BMPR1A: variants seen among roughly 807,000 people sequenced by gnomAD.
BMPR1A encodes the protein bone morphogenetic protein receptor type-1A.
BMPR1A carries 7 observed loss-of-function variants against 66.0 expected under a neutral mutation model. The observed-to-expected ratio is 0.11, with a 90% CI of 0.06 to 0.20. BMPR1A has a LOEUF of 0.20. Ranked by LOEUF, BMPR1A falls within the 10% of genes least tolerant of loss-of-function variation. The pLI is 1.00. For synonymous variants in BMPR1A, 200 were observed against 229.7 expected, an observed-to-expected ratio of 0.87 and a Z score of 1.17; for missense variants, 408 against 669.1, an observed-to-expected ratio of 0.61 and a Z score of 4.31.
At chr10:86,813,637 G>A (rs1257785282) in intron 1 of BMPR1A, among the ~76,000 whole-genome samples, 1 of 152,104 alleles carries the variant, frequency 6.6e-6, no homozygotes, top group Non-Finnish European at 1.5e-5. Context: ...TTCTTTGCAT[G>A]CGCTCTCCAT....
chr10:86,763,280 A>G (rs1841101677), intron 1 of BMPR1A, among the ~76,000 whole-genome samples: 1 of 152,212 alleles, frequency 6.6e-6, no homozygotes. Flanking sequence ...TGGGAAGTAT[A>G]AAAAGCCATA....
At chr10:86,761,634 T>C (rs761215939) in intron 1 of BMPR1A, among the ~76,000 whole-genome samples, 1 of 152,190 alleles carries the variant, frequency 6.6e-6, no homozygotes, top group Non-Finnish European at 1.5e-5. Flanking sequence ...TATATCCTGC[T>C]CAAGGTCATC....
At chr10:86,818,076 T>C (rs900588864) in intron 1 of BMPR1A, among the ~76,000 whole-genome samples, 1 of 152,206 alleles carries the variant, frequency 6.6e-6, no homozygotes, top group Non-Finnish European at 1.5e-5. Flanking sequence ...TGGAGTGTAA[T>C]GGCATGATCT....
chr10:86,763,433 A>G (rs1841105998), intron 1 of BMPR1A, among the ~76,000 whole-genome samples: 1 of 152,194 alleles, frequency 6.6e-6, no homozygotes, highest in African/African-American at 2.4e-5. Flanking sequence ...TAAAAAATAG[A>G]AGGAACATGG....
At chr10:86,932,292 G>GA (rs1414755109), downstream of BMPR1A, 1 of 152,196 alleles carries the variant, frequency 6.6e-6, no homozygotes, top group Non-Finnish European at 1.5e-5. Context: ...TCAGAACCAG[G>GA]AAAGTTCACA....
intron 1 of BMPR1A, among the ~76,000 whole-genome samples, chr10:86,784,622 T>C (rs1222332157): frequency 1.3e-5 from 2 of 152,204 alleles, no homozygotes; most frequent in Non-Finnish European, 2.9e-5. Flanking sequence ...CCAGTGAAGC[T>C]ATCTGGTCCT....
chr10:86,926,034 A>T lies in BMPR1A; in HGVS notation c.*2315A>T, dbSNP rs1843736860. Reference sequence around the variant, plus strand: ...AAAAATATAAAGACAGGCAAAGTTTATTGGAAATGTTCAAATGGTGTGTGG... The same window carrying T: ...AAAAATATAAAGACAGGCAAAGTTTTTTGGAAATGTTCAAATGGTGTGTGG... On this transcript the variant is annotated 3_prime_UTR_variant, in exon 13 of 13. Transcript: ENST00000372037. 5.8e-6 allele frequency: 1 copy of T among 172,636 alleles called. No individual in the cohort carries two copies. The highest frequency in any genetic ancestry group is 2.0e-4 in the South Asian group (1 of 5,000). 10.7% of individuals were successfully genotyped at this position (172,636 alleles called of 1,614,324 possible).
At chr10:86,837,261 G>T (rs12780418) in intron 1 of BMPR1A, among the ~76,000 whole-genome samples, 1 of 151,244 alleles carries the variant, frequency 6.6e-6, no homozygotes, top group African/African-American at 2.4e-5. Flanking sequence ...GTGTGTGTGT[G>T]TGTGTGTGTG....
intron 7 of BMPR1A, among the ~76,000 whole-genome samples, chr10:86,900,839 T>A (rs565957872): frequency 1.6e-4 from 24 of 152,194 alleles, no homozygotes; most frequent in Admixed American, 9.2e-4. Flanking sequence ...TTATTCAGAG[T>A]AGGAGATGGG....
intron 1 of BMPR1A, among the ~76,000 whole-genome samples, chr10:86,803,194 T>C (rs896908550): frequency 6.6e-6 from 1 of 152,128 alleles, no homozygotes; most frequent in African/African-American, 2.4e-5. Context: ...ATTGTAATAA[T>C]GTCACAAGCT....
rs890262305 is a variant in BMPR1A, at chr10:86,793,029, A to C, written c.-268+36110A>C. ...CCCACTGCTTTGTTTCTTTCTGGTA[A>C]GTCTTCTGCCTTAATGCAGTCTTCT... On this transcript the variant is annotated intron_variant, in intron 1 of 12. Transcript: ENST00000372037. Among the ~76,000 whole-genome samples, 12 of 151,928 alleles carry C rather than the reference A, an allele frequency of 7.9e-5. 1 individual carries two copies. The highest frequency in any genetic ancestry group is 2.4e-4 in the African/African-American group (10 of 41,352).
chr10:86,771,678 T>C (rs1298715353), intron 1 of BMPR1A, among the ~76,000 whole-genome samples: 1 of 152,246 alleles, frequency 6.6e-6, no homozygotes, highest in East Asian at 1.9e-4. Flanking sequence ...AGTTGACTTT[T>C]AACAATTAAC....
rs565323584 is a variant in BMPR1A, at chr10:86,849,680, T to C, written c.-153+10701T>C. ...TTGACTACTGAGTAGCCACATATGG[T>C]TAGTGGCTACTTTATTGAGTAACAT... On this transcript the variant is annotated intron_variant, in intron 2 of 12. Coordinates refer to ENST00000372037, the MANE Select transcript of BMPR1A (RefSeq NM_004329.3). Among the ~76,000 whole-genome samples the C allele has an allele frequency of 5.9e-5, 9 of 152,350 alleles. No individual in the cohort carries two copies. In the East Asian group the frequency reaches 1.7e-3, roughly 29 times the overall value.
chr10:86,889,866 A>C, intron 3 of BMPR1A, 196 bp from the exon 4 acceptor site: 1 of 638,648 alleles, frequency 1.6e-6, no homozygotes, highest in Non-Finnish European at 2.7e-6. Context: ...TGTACCCCGC[A>C]ATACCTGGTG....
At chr10:86,781,437 TGTA>T (rs1841435674) in intron 1 of BMPR1A, among the ~76,000 whole-genome samples, 1 of 152,220 alleles carries the variant, frequency 6.6e-6, no homozygotes, top group Admixed American at 6.5e-5. Flanking sequence ...ACTACAGCCT[TGTA>T]GTATATTTTC....
At chr10:86,845,668 A>G (rs1842473820) in intron 2 of BMPR1A, among the ~76,000 whole-genome samples, 1 of 152,138 alleles carries the variant, frequency 6.6e-6, no homozygotes, top group Non-Finnish European at 1.5e-5. Context: ...CTACTCTGTC[A>G]CTGACCCTGC....
intron 3 of BMPR1A, 69 bp from the exon 4 acceptor site, chr10:86,889,993 T>C: frequency 6.4e-7 from 1 of 1,559,704 alleles, no homozygotes; most frequent in South Asian, 1.1e-5. Flanking sequence ...CTTTTTCTCA[T>C]TGAAAATTGT....
intron 2 of BMPR1A, among the ~76,000 whole-genome samples, 156 bp from the exon 3 acceptor site, chr10:86,875,711 T>G (rs1471658760): frequency 1.3e-5 from 2 of 151,518 alleles, no homozygotes; most frequent in East Asian, 3.9e-4. Context: ...TTTGAAATTA[T>G]AGTGCCTAAA....
At chr10:86,820,453 A>G (rs1842106665) in intron 1 of BMPR1A, among the ~76,000 whole-genome samples, 1 of 151,184 alleles carries the variant, frequency 6.6e-6, no homozygotes, top group South Asian at 2.1e-4. Flanking sequence ...CTCAAAGATC[A>G]CTGTATGACT....
Sources: gnomAD v4.1 joint callset for allele counts (sites outside exome capture counted in the v4.1 genomes callset) on GRCh38, gnomAD v4.1.1 for gene constraint, MANE v1.5 for transcripts, NCBI Gene and HGNC (gene_info 2026-07-23, HGNC 2026-07-21) for gene names.